The following RBM47 variants were observed in gnomAD, a reference collection of about 807,000 sequenced individuals.
RBM47 encodes the protein RNA binding motif protein 47.
Under a neutral mutation model 47.1 loss-of-function variants are expected in RBM47, and 21 were observed. The ratio of observed to expected loss-of-function variants is 0.45; its 90% CI spans 0.32 to 0.64. The LOEUF (loss-of-function observed/expected upper bound fraction) is 0.64, where lower values mean the gene tolerates loss of function less well. Among genes scored for constraint, RBM47 ranks in the 30% least tolerant of loss-of-function variants. RBM47 has a pLI of 0.05. For missense variants in RBM47, 708 were observed against 870.9 expected (o/e 0.81, Z 2.35); for synonymous variants, 375 against 361.7 (o/e 1.04, Z -0.42).
chr4:40,438,984 T>G (rs1202797427), intron 3 of RBM47, 60 bp from the exon 4 acceptor site: 3 of 1,386,056 alleles, frequency 2.2e-6, no homozygotes, highest in Admixed American at 2.8e-5. Context: ...TTTTGGGTTG[T>G]GTTTCGCAGC....
At chr4:40,471,333 G>C (rs1424751380) in intron 2 of RBM47, among the ~76,000 whole-genome samples, 1 of 152,084 alleles carries the variant, frequency 6.6e-6, no homozygotes, top group African/African-American at 2.4e-5. Context: ...CTCCCAGCTG[G>C]CTTCTCCCTA....
At position 40,614,624 on chromosome 4, in the gene RBM47, A is replaced by G. The variant is rs1170111347; in HGVS notation, c.-240+14772T>C. Among the ~76,000 whole-genome samples, 3 of 152,128 alleles carry G rather than the reference A, an allele frequency of 2.0e-5. No homozygotes were observed. The South Asian group carries it at 6.2e-4, about 32-fold the overall frequency. On this transcript the variant is annotated intron_variant, in intron 1 of 6. Transcript: ENST00000295971. ...CAAAGGGGTAGGAACGCTTGAGCCCAGAAGTTTGAGACAAACCTGGGCAAA... is the reference window on the plus strand; with the variant it reads ...CAAAGGGGTAGGAACGCTTGAGCCCGGAAGTTTGAGACAAACCTGGGCAAA...
chr4:40,456,117 T>C (rs1179075754), intron 3 of RBM47, among the ~76,000 whole-genome samples: 1 of 152,234 alleles, frequency 6.6e-6, no homozygotes, highest in Non-Finnish European at 1.5e-5. Flanking sequence ...ATTATGTAAG[T>C]ATTATGTTCT....
In RBM47 at chr4:40,438,663, C is replaced by T. The variant is rs1243140155; in HGVS notation, c.231G>A (p.Lys77=). Residue 77 remains lysine (K), a synonymous_variant, in exon 4 of 7, where the codon AAG becomes AAA. Transcript: ENST00000295971. The part of the protein sequence containing the change: ...PQRGCEVFVG[K]IPRDVYEDEL... ...CGTCCTCGTACACGTCGCGCGGGAT[C>T]TTGCCCACGAAGACCTCGCAGCCAC... 5.0e-6 allele frequency: 8 copies of T among 1,612,128 alleles called. No individual in the cohort carries two copies. Among genetic ancestry groups the T allele is most frequent in the Non-Finnish European group, 6.8e-6 (8 of 1,179,004 alleles).
At chr4:40,566,513 C>T (rs541564885) in intron 1 of RBM47, among the ~76,000 whole-genome samples, 14 of 151,976 alleles carry the variant, frequency 9.2e-5, no homozygotes, top group Admixed American at 3.9e-4. Flanking sequence ...GGTATGGTGG[C>T]GCGTGCCTGT....
chr4:40,553,142 T>C (rs1384030244), intron 1 of RBM47, among the ~76,000 whole-genome samples: 9 of 114,908 alleles, frequency 7.8e-5, no homozygotes, highest in South Asian at 2.5e-4. Context: ...CTCTGATTGC[T>C]TTTTTTTTTT....
chr4:40,454,632 A>T (rs1013328344), intron 3 of RBM47, among the ~76,000 whole-genome samples: 2 of 152,102 alleles, frequency 1.3e-5, no homozygotes, highest in African/African-American at 4.8e-5. Context: ...AGTAGCTGGG[A>T]CTATAGACAA....
chr4:40,523,297 A>G (rs1483660988), intron 2 of RBM47, among the ~76,000 whole-genome samples: 2 of 151,964 alleles, frequency 1.3e-5, no homozygotes, highest in Admixed American at 6.6e-5. Context: ...AAACAGGGCT[A>G]GGCACAGTGG....
At chr4:40,579,263 ATAC>A (rs1732639903) in intron 1 of RBM47, among the ~76,000 whole-genome samples, 1 of 150,264 alleles carries the variant, frequency 6.7e-6, no homozygotes, top group Non-Finnish European at 1.5e-5. Context: ...TCTACTAAAA[ATAC>A]AAAAAATTAG....
chr4:40,433,071 C>T (rs924880092), intron 5 of RBM47, among the ~76,000 whole-genome samples: 1 of 152,020 alleles, frequency 6.6e-6, no homozygotes, highest in Non-Finnish European at 1.5e-5. Context: ...AGAGATCCTC[C>T]CACCTCAGCC....
intron 1 of RBM47, among the ~76,000 whole-genome samples, chr4:40,558,684 C>A (rs1051054980): frequency 6.6e-6 from 1 of 151,788 alleles, no homozygotes; most frequent in African/African-American, 2.4e-5. Context: ...AAAAATTAGC[C>A]AGGTGTGGTG....
chr4:40,605,004 C>T (rs1467579114), intron 1 of RBM47, among the ~76,000 whole-genome samples: 7 of 150,882 alleles, frequency 4.6e-5, no homozygotes, highest in Admixed American at 1.3e-4. Context: ...CTTGAGCCAC[C>T]GCACCTGGTC....
intron 2 of RBM47, among the ~76,000 whole-genome samples, chr4:40,481,476 TATTATTATTA>T (rs1560406141): frequency 4.4e-4 from 59 of 133,186 alleles, no homozygotes; most frequent in African/African-American, 1.5e-3. Flanking sequence ...TTATTATTAT[TATTATTATTA>T]TTTTTATTTT....
At chr4:40,435,392 T>C (rs947299445) in intron 5 of RBM47, among the ~76,000 whole-genome samples, 2 of 151,916 alleles carry the variant, frequency 1.3e-5, no homozygotes, top group Admixed American at 1.3e-4. Context: ...CTACTAAATA[T>C]ACAAAAATTA....
At chr4:40,534,067 G>A (rs113105245) in intron 2 of RBM47, among the ~76,000 whole-genome samples, 6 of 151,340 alleles carry the variant, frequency 4.0e-5, no homozygotes, top group East Asian at 1.9e-4. Context: ...CACATGCCTC[G>A]GCCTCCCCAA....
intron 1 of RBM47, among the ~76,000 whole-genome samples, chr4:40,618,106 G>A (rs1736909185): frequency 6.6e-6 from 1 of 151,924 alleles, no homozygotes; most frequent in Non-Finnish European, 1.5e-5. Flanking sequence ...GCCAAGCATG[G>A]TGATGCACAC....
chr4:40,563,963 G>A (rs545160876), intron 1 of RBM47, among the ~76,000 whole-genome samples: 111 of 152,266 alleles, frequency 7.3e-4, no homozygotes, highest in African/African-American at 2.6e-3. Context: ...TTGTAATCCC[G>A]GCACTTTGGG....
chr4:40,587,131 G>T (rs369307450), intron 1 of RBM47, among the ~76,000 whole-genome samples: 1 of 152,214 alleles, frequency 6.6e-6, no homozygotes, highest in Non-Finnish European at 1.5e-5. Context: ...AAAGGGCTTT[G>T]TGAAGAGGCA....
At chr4:40,437,140 T>TATATATATAAAATAC (rs1320622633) in intron 4 of RBM47, among the ~76,000 whole-genome samples, 1 of 39,414 alleles carries the variant, frequency 2.5e-5, no homozygotes, top group East Asian at 9.3e-4. Context: ...ATAAAATACA[T>TATATATATAAAATAC]ATATATATAT....
Sources: allele counts gnomAD v4.1 joint callset (sites outside exome capture counted in the v4.1 genomes callset), GRCh38; gene constraint gnomAD v4.1.1; transcripts MANE v1.5; gene names NCBI Gene and HGNC (gene_info 2026-07-23, HGNC 2026-07-21).